The following PHACTR3 variants were observed in gnomAD, a reference collection of about 807,000 sequenced individuals.
The protein encoded by PHACTR3 is phosphatase and actin regulator 3, also known as protein phosphatase 1, regulatory subunit 123.
In PHACTR3, 16 loss-of-function variants were observed where a neutral mutation model predicts 66.8. That is an observed-to-expected ratio of 0.24 (90% CI 0.16 to 0.36). The LOEUF (loss-of-function observed/expected upper bound fraction) is 0.36. PHACTR3 is among the 10% of genes least tolerant of loss of function. The pLI is 1.00. For missense variants in PHACTR3, 647 were observed against 719.9 expected (o/e 0.90, Z 1.16); for synonymous variants, 323 against 292.1 (o/e 1.11, Z -1.08).
intron 1 of PHACTR3, among the ~76,000 whole-genome samples, chr20:59,606,272 A>G (rs2033665911): frequency 6.6e-6 from 1 of 151,182 alleles, no homozygotes; most frequent in Non-Finnish European, 1.5e-5. Flanking sequence ...TAGAGGACTC[A>G]TTACAGGCAG....
intron 1 of PHACTR3, among the ~76,000 whole-genome samples, chr20:59,613,530 C>T (rs2033929175): frequency 6.6e-6 from 1 of 152,174 alleles, no homozygotes; most frequent in Admixed American, 6.5e-5. Context: ...GGAAGTGTAG[C>T]TTTTTCTTTT....
intron 8 of PHACTR3, among the ~76,000 whole-genome samples, chr20:59,811,972 C>G (rs1281853779): frequency 6.6e-6 from 1 of 152,028 alleles, no homozygotes; most frequent in Non-Finnish European, 1.5e-5. Flanking sequence ...GGGGCCAGAG[C>G]TGCTGCTGTC....
At chr20:59,836,393 T>G in intron 8 of PHACTR3, 112 bp from the exon 9 acceptor site, 1 of 929,970 alleles carries the variant, frequency 1.1e-6, no homozygotes, top group South Asian at 1.9e-5. Flanking sequence ...CCTTCCAATT[T>G]TGGGAGGCGA....
intron 8 of PHACTR3, among the ~76,000 whole-genome samples, chr20:59,807,814 T>A (rs1176870685): frequency 2.6e-5 from 4 of 152,224 alleles, no homozygotes; most frequent in Non-Finnish European, 1.5e-5. Flanking sequence ...ATCATTGAAA[T>A]GTCATGAGGT....
chr20:59,614,678 A>G (rs758762658), intron 1 of PHACTR3, among the ~76,000 whole-genome samples: 31 of 152,200 alleles, frequency 2.0e-4, no homozygotes, highest in Non-Finnish European at 3.8e-4. Context: ...TGGTCTTGCA[A>G]TACTCTTCCT....
intron 7 of PHACTR3, among the ~76,000 whole-genome samples, chr20:59,774,775 T>C (rs2040471565): frequency 6.7e-6 from 1 of 150,244 alleles, no homozygotes; most frequent in Non-Finnish European, 1.5e-5. Context: ...AAAAACAACA[T>C]AAAAGTGGTG....
chr20:59,713,072 C>G (rs1353694343), intron 1 of PHACTR3, among the ~76,000 whole-genome samples: 1 of 152,238 alleles, frequency 6.6e-6, no homozygotes, highest in Non-Finnish European at 1.5e-5. Context: ...TCATTTCTCA[C>G]AACACGGTCT....
chr20:59,659,550 T>G (rs1182779107), intron 1 of PHACTR3, among the ~76,000 whole-genome samples: 1 of 151,944 alleles, frequency 6.6e-6, no homozygotes, highest in African/African-American at 2.4e-5. Context: ...TTTTTGTATT[T>G]TTAGTAGAGA....
chr20:59,745,919 T>G (rs2039353752), intron 2 of PHACTR3, among the ~76,000 whole-genome samples: 1 of 152,182 alleles, frequency 6.6e-6, no homozygotes, highest in Non-Finnish European at 1.5e-5. Context: ...GGCAAAGACC[T>G]GTGATGTCTG....
intron 1 of PHACTR3, among the ~76,000 whole-genome samples, chr20:59,630,609 TA>T (rs2034626708): frequency 6.6e-6 from 1 of 152,218 alleles, no homozygotes; most frequent in African/African-American, 2.4e-5. Flanking sequence ...GCAACATCCA[TA>T]AGAGTGGTGA....
At chr20:59,748,537 C>T (rs1363951401) in intron 3 of PHACTR3, among the ~76,000 whole-genome samples, 1 of 152,210 alleles carries the variant, frequency 6.6e-6, no homozygotes, top group Non-Finnish European at 1.5e-5. Flanking sequence ...ATCACTCATG[C>T]AATTAACTGA....
intron 8 of PHACTR3, among the ~76,000 whole-genome samples, chr20:59,815,419 T>G (rs1344235084): frequency 4.2e-5 from 4 of 95,404 alleles, no homozygotes; most frequent in South Asian, 3.7e-4. Flanking sequence ...GGGGTTCTGG[T>G]TTTTTTTTTT....
At chr20:59,789,435 G>A (rs1394167120) in intron 7 of PHACTR3, among the ~76,000 whole-genome samples, 1 of 151,856 alleles carries the variant, frequency 6.6e-6, no homozygotes, top group Non-Finnish European at 1.5e-5. Flanking sequence ...GAGATGTTGG[G>A]AGTTCAGCTC....
At chr20:59,678,032 A>G (rs1187554449) in intron 1 of PHACTR3, among the ~76,000 whole-genome samples, 4 of 152,202 alleles carry the variant, frequency 2.6e-5, no homozygotes, top group Non-Finnish European at 5.9e-5. Context: ...ACAAGCTGCA[A>G]TAAGAGGCCA....
At chr20:59,623,723 G>C (rs972052695) in intron 1 of PHACTR3, among the ~76,000 whole-genome samples, 1 of 152,216 alleles carries the variant, frequency 6.6e-6, no homozygotes, top group Admixed American at 6.5e-5. Flanking sequence ...GAGGAACAGC[G>C]GATGTGGTGG....
At chr20:59,578,505 C>T (rs1421683962) in intron 1 of PHACTR3, among the ~76,000 whole-genome samples, 1 of 152,208 alleles carries the variant, frequency 6.6e-6, no homozygotes, top group Non-Finnish European at 1.5e-5. Context: ...CACCAGGAAA[C>T]TCTGGTTTAG....
At chr20:59,774,182 A>G (rs1050501945) in intron 6 of PHACTR3, 61 bp from the exon 7 acceptor site, 22 of 1,518,020 alleles carry the variant, frequency 1.4e-5, no homozygotes, top group Middle Eastern at 1.8e-4. Flanking sequence ...TCCAAAGTCA[A>G]TCGTGCTGGG....
chr20:59,792,232 A>G (rs540619981), intron 7 of PHACTR3, among the ~76,000 whole-genome samples: 9 of 152,250 alleles, frequency 5.9e-5, no homozygotes, highest in Admixed American at 3.3e-4. Context: ...GTTGATGGAC[A>G]TATGGGTTGT....
chr20:59,718,494 T>C (rs1454109156), intron 1 of PHACTR3, among the ~76,000 whole-genome samples: 6 of 151,744 alleles, frequency 4.0e-5, no homozygotes, highest in Non-Finnish European at 7.4e-5. Context: ...ATCCAGTGTG[T>C]GCAGTGCCTG....
Sources: gnomAD v4.1 joint callset for allele counts (sites outside exome capture counted in the v4.1 genomes callset) on GRCh38, gnomAD v4.1.1 for gene constraint, MANE v1.5 for transcripts, NCBI Gene and HGNC (gene_info 2026-07-23, HGNC 2026-07-21) for gene names.